Variants in GABRA3 observed in about 807,000 individuals in gnomAD.
The protein encoded by GABRA3 is gamma-aminobutyric acid type A receptor subunit alpha3, also known as gamma-aminobutyric acid receptor subunit alpha-3.
Under a neutral mutation model 30.1 loss-of-function variants are expected in GABRA3, and 10 were observed. The observed-to-expected ratio is 0.33, with a 90% CI of 0.20 to 0.56. GABRA3 has a LOEUF of 0.56. Among genes scored for constraint, GABRA3 ranks in the 20% least tolerant of loss-of-function variants. The probability of loss-of-function intolerance (pLI) is 0.89; values close to 1 mark genes in which losing one functional copy is unlikely to be tolerated. For synonymous variants in GABRA3, 151 were observed against 146.8 expected, an observed-to-expected ratio of 1.03 and a Z score of -0.21; for missense variants, 233 against 392.0, an observed-to-expected ratio of 0.59 and a Z score of 3.42.
In GABRA3 at chrX:152,216,389, A is replaced by AACACAC. The variant is rs60255687; in HGVS notation, c.635-8251_635-8246dup. 2.2e-3 allele frequency among the ~76,000 whole-genome samples: 173 copies of AACACAC among 77,613 alleles called. 3 individuals carry two copies. The highest frequency in any genetic ancestry group is 3.5e-3 in the Non-Finnish European group (140 of 39,576). The allele number at this position is 77,613 out of a possible 115,157, so 67.4% of individuals were successfully genotyped here. ...ATAAGAAAATGTTATATAATATATA[A>AACACAC]ACACACACACACACACACACACACA... On this transcript the variant is annotated intron_variant, in intron 6 of 9. Coordinates refer to ENST00000370314, the MANE Select transcript of GABRA3 (RefSeq NM_000808.4).
At chrX:152,331,023 A>T (rs1027644272) in intron 3 of GABRA3, among the ~76,000 whole-genome samples, 2 of 110,638 alleles carry the variant, frequency 1.8e-5, no homozygotes, top group Non-Finnish European at 3.8e-5. Context: ...GGATGTTAAC[A>T]TTCAGTGGAA....
chrX:152,396,921 A>G (rs2124519615), intron 1 of GABRA3, among the ~76,000 whole-genome samples: 1 of 112,148 alleles, frequency 8.9e-6, no homozygotes, highest in African/African-American at 3.2e-5. Flanking sequence ...AACTCTTCTT[A>G]TATAGGAGCA....
intron 6 of GABRA3, among the ~76,000 whole-genome samples, chrX:152,209,946 C>T (rs1285960894): frequency 8.9e-6 from 1 of 112,433 alleles, no homozygotes; most frequent in East Asian, 2.8e-4. Flanking sequence ...TTCAACACAA[C>T]AACAACAAGA....
At chrX:152,200,808 C>A (rs1185803945) in intron 7 of GABRA3, among the ~76,000 whole-genome samples, 2 of 112,294 alleles carry the variant, frequency 1.8e-5, no homozygotes, top group Non-Finnish European at 3.8e-5. Context: ...CAAAAGAGTA[C>A]CAAATTAACC....
chrX:152,241,800 A>G (rs912413832), intron 5 of GABRA3, among the ~76,000 whole-genome samples: 9 of 111,237 alleles, frequency 8.1e-5, no homozygotes, highest in African/African-American at 6.5e-5. Context: ...TCTTGGACTC[A>G]GAAAGGGAAC....
chrX:152,259,584 C>T (rs1471892803), intron 4 of GABRA3, among the ~76,000 whole-genome samples: 2 of 111,453 alleles, frequency 1.8e-5, no homozygotes, highest in African/African-American at 6.5e-5. Context: ...TTGTGAGGCC[C>T]TTTTTACAGG....
At chrX:152,312,444 C>T (rs750389372) in intron 3 of GABRA3, among the ~76,000 whole-genome samples, 4 of 111,536 alleles carry the variant, frequency 3.6e-5, no homozygotes, top group East Asian at 2.8e-4. Flanking sequence ...TGCAGAAGAT[C>T]GAAACTATAC....
chrX:152,168,696 A>T (rs1266629461), intron 9 of GABRA3, 133 bp from the exon 10 acceptor site: 1 of 477,689 alleles, frequency 2.1e-6, no homozygotes, highest in Non-Finnish European at 3.6e-6. Context: ...CCATGTAGCC[A>T]ATAGCACTAG....
chrX:152,219,835 T>C (rs941519020), intron 6 of GABRA3, among the ~76,000 whole-genome samples: 2 of 95,015 alleles, frequency 2.1e-5, no homozygotes, highest in Non-Finnish European at 4.0e-5. Flanking sequence ...CATAAAGCAC[T>C]ATATACTATA....
At chrX:152,412,781 A>G (rs1930104667) in intron 1 of GABRA3, among the ~76,000 whole-genome samples, 1 of 111,391 alleles carries the variant, frequency 9.0e-6, no homozygotes, top group African/African-American at 3.3e-5. Flanking sequence ...GGAATCAGAT[A>G]GTGGTGATGG....
chrX:152,245,656 G>C (rs751749950), intron 5 of GABRA3, among the ~76,000 whole-genome samples: 5 of 111,915 alleles, frequency 4.5e-5, no homozygotes, highest in Admixed American at 2.8e-4. Context: ...TCATGTATCT[G>C]TGTCTTTTCA....
At chrX:152,332,090 C>A (rs1171639107) in intron 3 of GABRA3, among the ~76,000 whole-genome samples, 1 of 111,453 alleles carries the variant, frequency 9.0e-6, no homozygotes, top group Non-Finnish European at 1.9e-5. Context: ...CAAAACAGCC[C>A]ATCAAAATGC....
chrX:152,207,137 G>A (rs1373421171), intron 7 of GABRA3, among the ~76,000 whole-genome samples: 1 of 111,582 alleles, frequency 9.0e-6, no homozygotes, highest in Non-Finnish European at 1.9e-5. Flanking sequence ...AAAACAGGGG[G>A]CAGAGGAGAT....
intron 3 of GABRA3, among the ~76,000 whole-genome samples, chrX:152,302,836 G>C (rs1302778418): frequency 9.0e-6 from 1 of 111,392 alleles, no homozygotes; most frequent in Non-Finnish European, 1.9e-5. Context: ...ATAGTATTTG[G>C]TTTTCTGTTT....
intron 1 of GABRA3, among the ~76,000 whole-genome samples, chrX:152,424,549 C>A (rs1366485644): frequency 1.8e-5 from 2 of 111,451 alleles, no homozygotes; most frequent in African/African-American, 6.5e-5. Context: ...ACTTGAAATG[C>A]TTCAATGGCT....
intron 3 of GABRA3, among the ~76,000 whole-genome samples, chrX:152,306,573 C>G (rs753361373): frequency 9.0e-6 from 1 of 111,473 alleles, no homozygotes; most frequent in East Asian, 2.8e-4. Context: ...TATGGTGGGT[C>G]TGGCCAAGCT....
intron 9 of GABRA3, among the ~76,000 whole-genome samples, chrX:152,173,367 G>A (rs1937028940): frequency 9.0e-6 from 1 of 110,937 alleles, no homozygotes; most frequent in African/African-American, 3.3e-5. Flanking sequence ...AGTAGGTTAA[G>A]GGAAATCTCA....
At chrX:152,209,596 A>G (rs1024062548) in intron 6 of GABRA3, among the ~76,000 whole-genome samples, 5 of 112,239 alleles carry the variant, frequency 4.5e-5, no homozygotes, top group Non-Finnish European at 7.5e-5. Flanking sequence ...CCAATAAACA[A>G]ATATAAATGC....
At chrX:152,432,253 T>C (rs1179939846) in intron 1 of GABRA3, among the ~76,000 whole-genome samples, 1 of 111,769 alleles carries the variant, frequency 8.9e-6, no homozygotes, top group Non-Finnish European at 1.9e-5. Context: ...AGTATATGCA[T>C]GTTATTTAGA....
Sources: gnomAD v4.1 joint callset for allele counts (sites outside exome capture counted in the v4.1 genomes callset) on GRCh38, gnomAD v4.1.1 for gene constraint, MANE v1.5 for transcripts, NCBI Gene and HGNC (gene_info 2026-07-23, HGNC 2026-07-21) for gene names.